PAX2: variants seen among roughly 807,000 people sequenced by gnomAD.
PAX2 encodes paired box protein Pax-2.
A neutral mutation model predicts 41.7 loss-of-function variants in PAX2; 9 were observed. The ratio of observed to expected loss-of-function variants is 0.22; its 90% CI spans 0.13 to 0.38. The LOEUF is 0.38. PAX2 is among the 10% of genes least tolerant of loss of function. The pLI is 1.00. For synonymous variants in PAX2, 221 were observed against 212.7 expected (o/e 1.04, Z -0.34); for missense variants, 418 against 531.6 (o/e 0.79, Z 2.10).
At chr10:100,790,927 T>C (rs1195985421) in intron 5 of PAX2, among the ~76,000 whole-genome samples, 3 of 152,204 alleles carry the variant, frequency 2.0e-5, no homozygotes, top group Non-Finnish European at 4.4e-5. Flanking sequence ...CAGAGCCAAG[T>C]TGCAGCCTCA....
In PAX2 at chr10:100,828,809, T is replaced by A. The variant is rs920405240; in HGVS notation, c.*1190T>A. On this transcript the variant is annotated 3_prime_UTR_variant, in exon 10 of 10. Transcript: ENST00000355243. This position sits in a 1 kb window ranked among gnomAD's most constrained non-coding sequence, Gnocchi z 6.5. ...AGTCTACATTTATTTAATATGATGG[T>A]CTTTGCAAAAAGGAACAAAACAACA... 1 of 231,274 alleles carries A rather than the reference T, an allele frequency of 4.3e-6. No individual in the cohort carries two copies. Among genetic ancestry groups the A allele is most frequent in the East Asian group, 6.0e-5 (1 of 16,548 alleles). The allele number at this position is 231,274 out of a possible 1,614,324, so 14.3% of individuals were successfully genotyped here. A position where few individuals can be genotyped will look rare whatever the true frequency, so the allele number is the denominator to read the frequency against.
Position 100,749,181 on chromosome 10 carries a change from CT to C in PAX2, c.44-560del, listed in dbSNP as rs1173081038. ...GAAAAATTCCGATTACAATTTAATACTTTTTAAAGAAGAGGCAGAGAGCAAA... is the reference window on the plus strand; with the variant it reads ...GAAAAATTCCGATTACAATTTAATACTTTTAAAGAAGAGGCAGAGAGCAAA... On this transcript the variant is annotated intron_variant, in intron 1 of 9. Transcript: ENST00000355243. The C allele has an allele frequency of 5.1e-6, 5 of 986,244 alleles. No individual in the cohort carries two copies. The African/African-American group carries it at 8.7e-5, about 17-fold the overall frequency. 61.1% of individuals were successfully genotyped at this position (986,244 alleles called of 1,614,324 possible).
At chr10:100,790,048 T>A (rs979065603) in intron 5 of PAX2, among the ~76,000 whole-genome samples, 6 of 152,240 alleles carry the variant, frequency 3.9e-5, no homozygotes, top group Non-Finnish European at 7.3e-5. Flanking sequence ...TGCCTTTATA[T>A]CAGAGACAGC....
In PAX2 at chr10:100,824,985, G is replaced by A; in HGVS notation, c.1021+236G>A. ...AGTGCCCCCTTGTGTGCAACCCACT[G>A]TATGTCATGGCCCCTCCACAGCGCC... On this transcript the variant is annotated intron_variant, in intron 8 of 9. Coordinates refer to ENST00000355243, the MANE Select transcript of PAX2 (RefSeq NM_000278.5). The surrounding 1 kb of genome is among the most constrained non-coding windows in gnomAD (Gnocchi z 6.6). 1 of 1,613,078 alleles carries A rather than the reference G, an allele frequency of 6.2e-7. No individual in the cohort carries two copies. The highest frequency in any genetic ancestry group is 8.5e-7 in the Non-Finnish European group (1 of 1,179,102).
chr10:100,805,528 G>A (rs907537177), intron 5 of PAX2, among the ~76,000 whole-genome samples: 2 of 152,314 alleles, frequency 1.3e-5, no homozygotes, highest in East Asian at 1.9e-4. Context: ...CCAAGGAACC[G>A]ACGCTGGGAG....
chr10:100,796,115 A>T (rs756446332), intron 5 of PAX2, among the ~76,000 whole-genome samples: 12 of 152,196 alleles, frequency 7.9e-5, no homozygotes, highest in Non-Finnish European at 1.0e-4. Context: ...GAGGAAAAAA[A>T]GTGACTTCTA....
chr10:100,747,328 A>G (rs993966118), intron 1 of PAX2: 1 of 152,300 alleles, frequency 6.6e-6, no homozygotes, highest in Non-Finnish European at 1.5e-5. Context: ...CAAACACGGG[A>G]AAGGAAATTA....
chr10:100,745,118 G>A (rs1357056350), upstream of PAX2, among the ~76,000 whole-genome samples: 1 of 152,172 alleles, frequency 6.6e-6, no homozygotes, highest in Non-Finnish European at 1.5e-5. Context: ...GCACTGGCCA[G>A]TGGATGGCAG....
intron 3 of PAX2, among the ~76,000 whole-genome samples, chr10:100,756,233 G>A (rs187634204): frequency 9.2e-5 from 14 of 152,006 alleles, no homozygotes; most frequent in Non-Finnish European, 2.9e-5. Flanking sequence ...TGGGATAGGG[G>A]TCCTGCTTCC....
intron 1 of PAX2, chr10:100,747,552 T>C: frequency 7.7e-6 from 7 of 911,708 alleles, no homozygotes; most frequent in Non-Finnish European, 9.2e-6. Context: ...TAAGGATAAT[T>C]TGTAACTTTT....
At chr10:100,819,067 C>G (rs1253497697) in intron 7 of PAX2, among the ~76,000 whole-genome samples, 1 of 150,616 alleles carries the variant, frequency 6.6e-6, no homozygotes, top group Admixed American at 6.6e-5. Context: ...GTCAACATGG[C>G]AAAACCCTGT....
At chr10:100,809,828 T>A (rs570762459) in intron 7 of PAX2, among the ~76,000 whole-genome samples, 4 of 152,324 alleles carry the variant, frequency 2.6e-5, no homozygotes, top group Non-Finnish European at 4.4e-5. Flanking sequence ...AGGATCAGGC[T>A]TGGCCCACAA....
upstream of PAX2, among the ~76,000 whole-genome samples, chr10:100,741,081 C>T (rs1432688262): frequency 1.3e-5 from 2 of 152,098 alleles, no homozygotes; most frequent in East Asian, 3.9e-4. Context: ...GGGCAGGTCG[C>T]AAAGACCTCT....
intron 3 of PAX2, among the ~76,000 whole-genome samples, chr10:100,761,579 G>A (rs1231457645): frequency 6.6e-6 from 1 of 152,216 alleles, no homozygotes; most frequent in South Asian, 2.1e-4. Flanking sequence ...AGCATTAATC[G>A]CATTAAAGAG....
chr10:100,781,340 T>A lies in PAX2; in HGVS notation c.591T>A (p.Asn197Lys), dbSNP rs758231319. The A allele has an allele frequency of 6.2e-7, 1 of 1,613,794 alleles. No homozygotes were observed. Among genetic ancestry groups the A allele is most frequent in the Non-Finnish European group, 8.5e-7 (1 of 1,179,764 alleles). ...INGILGIPRS[N>K]GEKRKRDEDV... ...GGATCCTGGGGATTCCTCGCTCCAATGGTGAGAAGAGGAAACGTGATGAAG... is the reference window on the plus strand; with the variant it reads ...GGATCCTGGGGATTCCTCGCTCCAAAGGTGAGAAGAGGAAACGTGATGAAG... Residue 197 changes from asparagine to lysine, a missense_variant, in exon 5 of 10, where the codon AAT (asparagine) becomes AAA (lysine). Around this residue, in one of 2 missense-constraint regions of PAX2, gnomAD observed 310 missense variants for 325.2 expected, o/e 0.95. Coordinates refer to ENST00000355243, the MANE Select transcript of PAX2 (RefSeq NM_000278.5).
chr10:100,791,071 C>T lies in PAX2; in HGVS notation c.616+9706C>T, dbSNP rs1314108174. Among the ~76,000 whole-genome samples, 2 of 152,218 alleles carry T rather than the reference C, an allele frequency of 1.3e-5. No homozygotes were observed. Among genetic ancestry groups the T allele is most frequent in the East Asian group, 3.9e-4 (2 of 5,188 alleles). On this transcript the variant is annotated intron_variant, in intron 5 of 9. Coordinates refer to ENST00000355243, the MANE Select transcript of PAX2 (RefSeq NM_000278.5). This position sits in a 1 kb window ranked among gnomAD's most constrained non-coding sequence, Gnocchi z 4.5. ...CTGCACGGAGGCCTGGCCTTCCCTC[C>T]CTCCCATTCTTGGAGCCCTGTGGCC...
Position 100,745,826 on chromosome 10 carries a change from T to G in PAX2, c.-435T>G. 1 of 1,079,324 alleles carries G rather than the reference T, an allele frequency of 9.3e-7. No homozygotes were observed. Among genetic ancestry groups the G allele is most frequent in the Non-Finnish European group, 1.1e-6 (1 of 889,538 alleles). The allele number at this position is 1,079,324 out of a possible 1,614,324, so 66.9% of individuals were successfully genotyped here. On this transcript the variant is annotated 5_prime_UTR_variant, in exon 1 of 10. Coordinates refer to ENST00000355243, the MANE Select transcript of PAX2 (RefSeq NM_000278.5). ...AGCACTTGGAGAGGCCCGGCTCCCC[T>G]CCCGGCGCCCTCTGACCGCCCCCGC...
rs1254669197 is a variant in PAX2, at chr10:100,786,531, G to A, written c.616+5166G>A. 2.6e-5 allele frequency among the ~76,000 whole-genome samples: 4 copies of A among 152,134 alleles called. No individual in the cohort carries two copies. In the South Asian group the frequency reaches 6.2e-4, roughly 24 times the overall value. Reference sequence around the variant, plus strand: ...AGTGTGAGTATGCATGTGTTCTACCGCTCTGAGGTCTTTGGGTATAAGGGG... The same window carrying A: ...AGTGTGAGTATGCATGTGTTCTACCACTCTGAGGTCTTTGGGTATAAGGGG... On this transcript the variant is annotated intron_variant, in intron 5 of 9. Coordinates refer to ENST00000355243, the MANE Select transcript of PAX2 (RefSeq NM_000278.5).
chr10:100,748,363 G>A lies in PAX2; in HGVS notation c.44-1383G>A, dbSNP rs1845286604. 1.0e-5 allele frequency: 10 copies of A among 984,600 alleles called. No homozygotes were observed. The highest frequency in any genetic ancestry group is 1.2e-5 in the Non-Finnish European group (10 of 829,418). The allele number at this position is 984,600 out of a possible 1,614,324, so 61.0% of individuals were successfully genotyped here. ...CAAGGGGGTAAAAGAAGGGGCTTCA[G>A]TCTCTCCCAGCAACGCGATCAGAGG... On this transcript the variant is annotated intron_variant, in intron 1 of 9. Coordinates refer to ENST00000355243, the MANE Select transcript of PAX2 (RefSeq NM_000278.5). The surrounding 1 kb of genome is among the most constrained non-coding windows in gnomAD (Gnocchi z 5.0).
Sources: gnomAD v4.1 joint callset for allele counts (sites outside exome capture counted in the v4.1 genomes callset) on GRCh38, gnomAD v4.1.1 for gene constraint, gnomAD v4.1.1 regional missense constraint, Gnocchi (gnomAD v3.1) non-coding constraint, MANE v1.5 for transcripts, NCBI Gene and HGNC (gene_info 2026-07-23, HGNC 2026-07-21) for gene names.